The following WWOX variants were observed in gnomAD, a reference collection of about 807,000 sequenced individuals.
The protein encoded by WWOX is WW domain containing oxidoreductase.
In WWOX, 69 loss-of-function variants were observed where a neutral mutation model predicts 46.2. The observed-to-expected ratio is 1.49, with a 90% confidence interval of 1.23 to 1.82. The LOEUF is 1.82. Among genes scored for constraint, WWOX ranks in the 40% most tolerant of loss-of-function variants. The probability of loss-of-function intolerance (pLI) is 0.00; values close to 1 mark genes in which losing one functional copy is unlikely to be tolerated. For missense variants in WWOX, 919 were observed against 542.6 expected, an observed-to-expected ratio of 1.69 and a Z score of -6.89; for synonymous variants, 359 against 202.6, an observed-to-expected ratio of 1.77 and a Z score of -6.56.
At chr16:78,952,259 C>T (rs2046075826) in intron 8 of WWOX, among the ~76,000 whole-genome samples, 1 of 152,132 alleles carries the variant, frequency 6.6e-6, no homozygotes, top group Non-Finnish European at 1.5e-5. Context: ...TCAGTGGTCA[C>T]TGTCTCTAGG....
chr16:78,261,602 A>G (rs2079234914), intron 5 of WWOX, among the ~76,000 whole-genome samples: 1 of 149,988 alleles, frequency 6.7e-6, no homozygotes, highest in Admixed American at 6.6e-5. Flanking sequence ...TTTTAACCTT[A>G]GGAAAAAAAG....
chr16:78,814,619 C>T (rs948744033), intron 8 of WWOX, among the ~76,000 whole-genome samples: 1 of 152,164 alleles, frequency 6.6e-6, no homozygotes, highest in African/African-American at 2.4e-5. Flanking sequence ...TTGTGGATTA[C>T]ATTGGTTCTT....
chr16:79,184,692 G>A (rs1414726167), intron 8 of WWOX, among the ~76,000 whole-genome samples: 1 of 152,204 alleles, frequency 6.6e-6, no homozygotes, highest in Non-Finnish European at 1.5e-5. Flanking sequence ...CTGACCCTGA[G>A]AATTTTCCAC....
rs182381616 is a variant in WWOX at position 79,060,504 on chromosome 16, T to G, written c.1057-151104T>G. Among the ~76,000 whole-genome samples the G allele has an allele frequency of 3.9e-5, 6 of 152,376 alleles. No homozygotes were observed. In the East Asian group the frequency reaches 1.2e-3, roughly 29 times the overall value. On this transcript the variant is annotated intron_variant, in intron 8 of 8. Coordinates refer to ENST00000566780, the MANE Select transcript of WWOX (RefSeq NM_016373.4). ...CTGAATTTTTCCAATTTGTGCTTAG[T>G]AGCATCTTATTATATTAGACCAGCA...
intron 8 of WWOX, among the ~76,000 whole-genome samples, chr16:78,598,825 C>T (rs1281834921): frequency 6.6e-6 from 1 of 152,116 alleles, no homozygotes; most frequent in South Asian, 2.1e-4. Flanking sequence ...CTGGCCTCTT[C>T]ATTGTCCCCT....
chr16:78,164,131 C>G (rs1257788213), intron 4 of WWOX, 52 bp from the exon 5 acceptor site: 2 of 1,517,300 alleles, frequency 1.3e-6, no homozygotes, highest in Non-Finnish European at 1.8e-6. Context: ...TTCAACATGA[C>G]TCACTGTGTT....
chr16:78,871,420 G>T (rs541416697), intron 8 of WWOX, among the ~76,000 whole-genome samples: 1 of 152,142 alleles, frequency 6.6e-6, no homozygotes, highest in Non-Finnish European at 1.5e-5. Context: ...TGAATGGTTG[G>T]CACAGGCTTC....
intron 5 of WWOX, among the ~76,000 whole-genome samples, chr16:78,309,003 T>C (rs1196866919): frequency 6.6e-6 from 1 of 152,170 alleles, no homozygotes; most frequent in African/African-American, 2.4e-5. Context: ...TGTGATATGG[T>C]TTGGCTACAT....
intron 8 of WWOX, among the ~76,000 whole-genome samples, chr16:78,827,753 A>T (rs2051701950): frequency 6.6e-6 from 1 of 152,134 alleles, no homozygotes; most frequent in South Asian, 2.1e-4. Context: ...AGGCAGGAGA[A>T]TCACTTGAAT....
intron 4 of WWOX, among the ~76,000 whole-genome samples, chr16:78,120,632 A>T (rs910297639): frequency 2.0e-5 from 3 of 151,852 alleles, no homozygotes; most frequent in African/African-American, 7.3e-5. Flanking sequence ...TTATAGTGTG[A>T]TGTTGAAATT....
chr16:78,590,567 T>C (rs889498026), intron 8 of WWOX, among the ~76,000 whole-genome samples: 2 of 152,254 alleles, frequency 1.3e-5, no homozygotes, highest in African/African-American at 4.8e-5. Flanking sequence ...TGATACTTGT[T>C]AACACTAGGT....
intron 8 of WWOX, among the ~76,000 whole-genome samples, chr16:78,636,116 T>C (rs912844590): frequency 3.3e-5 from 5 of 152,214 alleles, no homozygotes; most frequent in Non-Finnish European, 7.3e-5. Context: ...TGACAGGCTC[T>C]TGCTATTAAG....
intron 8 of WWOX, among the ~76,000 whole-genome samples, chr16:78,851,386 C>A (rs746467575): frequency 1.3e-5 from 2 of 152,176 alleles, no homozygotes; most frequent in Non-Finnish European, 2.9e-5. Context: ...AAAGAGTTTA[C>A]TTATAGGCAG....
At chr16:78,180,683 G>A (rs2035504528) in intron 5 of WWOX, among the ~76,000 whole-genome samples, 1 of 151,868 alleles carries the variant, frequency 6.6e-6, no homozygotes, top group African/African-American at 2.4e-5. Flanking sequence ...GTGGGTATAT[G>A]TTAGGGCCAG....
chr16:78,500,903 GC>G (rs2085047019), intron 8 of WWOX, among the ~76,000 whole-genome samples: 1 of 152,166 alleles, frequency 6.6e-6, no homozygotes, highest in African/African-American at 2.4e-5. Flanking sequence ...AGAATTCAAA[GC>G]CAGTGTGTCT....
In WWOX at chr16:78,701,821, C is replaced by G. The variant is rs1417010127; in HGVS notation, c.1056+269069C>G. On this transcript the variant is annotated intron_variant, in intron 8 of 8. Coordinates refer to ENST00000566780, the MANE Select transcript of WWOX (RefSeq NM_016373.4). ...CCATCTGGGGACACATCTTGAGTTT[C>G]TCTCCATGATGGCGCAGCTCTCAGC... Among the ~76,000 whole-genome samples, 12 of 151,578 alleles carry G rather than the reference C, an allele frequency of 7.9e-5. 1 individual carries two copies. The highest frequency in any genetic ancestry group is 3.9e-4 in the Admixed American group (6 of 15,198).
chr16:78,782,346 C>T (rs1033946031), intron 8 of WWOX, among the ~76,000 whole-genome samples: 2 of 152,180 alleles, frequency 1.3e-5, no homozygotes, highest in African/African-American at 4.8e-5. Context: ...TCCTACTTTT[C>T]TTTGGCCACT....
chr16:78,745,670 A>G (rs1297246629), intron 8 of WWOX, among the ~76,000 whole-genome samples: 1 of 151,844 alleles, frequency 6.6e-6, no homozygotes, highest in Non-Finnish European at 1.5e-5. Context: ...TTTTCAGCAC[A>G]TAAATTTTCA....
rs143016686 is a variant in WWOX at position 78,516,837 on chromosome 16, T to C, written c.1056+84085T>C. Among the ~76,000 whole-genome samples, 646 of 152,328 alleles carry C rather than the reference T, an allele frequency of 4.2e-3. 4 individuals carry two copies. The highest frequency in any genetic ancestry group is 0.015 in the African/African-American group (617 of 41,568). On this transcript the variant is annotated intron_variant, in intron 8 of 8. Coordinates refer to ENST00000566780, the MANE Select transcript of WWOX (RefSeq NM_016373.4). Reference sequence around the variant, plus strand: ...AAGAGAGGTGTTAATGGACACATCATTGAGGCTGAAGCCAAACTGTGTGAT... The same window carrying C: ...AAGAGAGGTGTTAATGGACACATCACTGAGGCTGAAGCCAAACTGTGTGAT...
Sources: allele counts gnomAD v4.1 joint callset (sites outside exome capture counted in the v4.1 genomes callset), GRCh38; gene constraint gnomAD v4.1.1; transcripts MANE v1.5; gene names NCBI Gene and HGNC (gene_info 2026-07-23, HGNC 2026-07-21).